Variants in GRID2 observed in about 807,000 individuals in gnomAD.
The protein encoded by GRID2 is glutamate receptor ionotropic, delta-2.
In GRID2, 33 loss-of-function variants were observed where a neutral mutation model predicts 114.8. The ratio of observed to expected loss-of-function variants is 0.29; its 90% confidence interval spans 0.22 to 0.38. The LOEUF is 0.38. GRID2 is among the 10% of genes least tolerant of loss of function. The pLI, the probability that GRID2 is intolerant of heterozygous loss-of-function variation, is 1.00. For missense variants in GRID2, 1,184 were observed against 1,257.7 expected, an observed-to-expected ratio of 0.94 and a Z score of 0.89; for synonymous variants, 505 against 449.9, an observed-to-expected ratio of 1.12 and a Z score of -1.55.
chr4:93,310,426 G>A (rs142579646), intron 8 of GRID2, among the ~76,000 whole-genome samples: 1 of 152,146 alleles, frequency 6.6e-6, no homozygotes, highest in African/African-American at 2.4e-5. Flanking sequence ...AGCTACTTGG[G>A]AGGCTGAGGC....
intron 1 of GRID2, among the ~76,000 whole-genome samples, chr4:92,330,473 T>C (rs1486798259): frequency 6.6e-6 from 1 of 152,110 alleles, no homozygotes; most frequent in Non-Finnish European, 1.5e-5. Context: ...TACATGTTAA[T>C]TGGATCTATC....
chr4:93,524,548 T>C (rs1730641683), intron 13 of GRID2, among the ~76,000 whole-genome samples: 1 of 151,892 alleles, frequency 6.6e-6, no homozygotes, highest in Non-Finnish European at 1.5e-5. Flanking sequence ...TTTTTAACAA[T>C]CCTCATGGAT....
intron 1 of GRID2, among the ~76,000 whole-genome samples, chr4:92,397,069 G>A (rs1730526833): frequency 6.6e-6 from 1 of 151,668 alleles, no homozygotes; most frequent in Non-Finnish European, 1.5e-5. Flanking sequence ...ATTCTAAAAT[G>A]CCAGCATTAG....
chr4:92,723,203 G>C (rs1282332416), intron 2 of GRID2, among the ~76,000 whole-genome samples: 2 of 152,040 alleles, frequency 1.3e-5, no homozygotes, highest in Non-Finnish European at 2.9e-5. Flanking sequence ...CATGGCCTTT[G>C]AACAATCAGA....
intron 11 of GRID2, among the ~76,000 whole-genome samples, chr4:93,476,288 A>C (rs1362362815): frequency 1.3e-5 from 2 of 152,176 alleles, no homozygotes; most frequent in African/African-American, 4.8e-5. Flanking sequence ...TAAAAAATAC[A>C]TGAAATGTTA....
chr4:93,748,628 GT>G (rs1732051200), intron 14 of GRID2, among the ~76,000 whole-genome samples: 1 of 152,162 alleles, frequency 6.6e-6, no homozygotes, highest in African/African-American at 2.4e-5. Context: ...AAAGGCATGT[GT>G]GTAACATATC....
chr4:93,438,185 G>A (rs1274713782), intron 10 of GRID2, among the ~76,000 whole-genome samples: 5 of 151,976 alleles, frequency 3.3e-5, no homozygotes, highest in Non-Finnish European at 5.9e-5. Flanking sequence ...ACTTTTCCTC[G>A]GCCTTCAAAG....
intron 2 of GRID2, among the ~76,000 whole-genome samples, chr4:92,672,962 T>TC (rs1490723020): frequency 6.6e-6 from 1 of 152,136 alleles, no homozygotes; most frequent in Non-Finnish European, 1.5e-5. Flanking sequence ...CCACACTTTA[T>TC]CCCCCAATTC....
rs1252626917 is a variant in GRID2, at chr4:93,590,858, T to G, written c.2194-35411T>G. Among the ~76,000 whole-genome samples the G allele has an allele frequency of 1.1e-4, 17 of 149,802 alleles. 1 individual carries two copies. Among genetic ancestry groups the G allele is most frequent in the African/African-American group, 4.2e-4 (17 of 40,762 alleles). On this transcript the variant is annotated intron_variant, in intron 13 of 15. Transcript: ENST00000282020. ...CACTCATGATTTGGCTCTCTGTTTG[T>G]CTGTTGTTGGTGTATAGGAATGCTT...
intron 11 of GRID2, among the ~76,000 whole-genome samples, chr4:93,483,679 G>A (rs372088004): frequency 1.6e-4 from 25 of 151,982 alleles, no homozygotes; most frequent in African/African-American, 6.0e-4. Context: ...AATGTATACA[G>A]TAGCAAGGTT....
chr4:93,725,533 G>A (rs1228755845), intron 14 of GRID2, among the ~76,000 whole-genome samples: 3 of 151,766 alleles, frequency 2.0e-5, no homozygotes, highest in African/African-American at 7.3e-5. Context: ...GGTATTTCTA[G>A]TTCTAGATCC....
chr4:93,689,009 G>C (rs1726314984), intron 14 of GRID2, among the ~76,000 whole-genome samples: 1 of 152,002 alleles, frequency 6.6e-6, no homozygotes, highest in Non-Finnish European at 1.5e-5. Flanking sequence ...TTAAGTGAAA[G>C]TGAGGTCCAT....
At chr4:92,656,328 G>A (rs192208544) in intron 2 of GRID2, among the ~76,000 whole-genome samples, 2 of 151,688 alleles carry the variant, frequency 1.3e-5, no homozygotes, top group African/African-American at 4.8e-5. Flanking sequence ...TTACCAGATA[G>A]TGTTTGAAAT....
chr4:92,657,332 CTT>C (rs2149266414), intron 2 of GRID2, among the ~76,000 whole-genome samples: 2 of 151,716 alleles, frequency 1.3e-5, no homozygotes, highest in African/African-American at 4.8e-5. Context: ...AGCCTCTACA[CTT>C]ATATTTATTC....
intron 1 of GRID2, among the ~76,000 whole-genome samples, chr4:92,334,280 T>C (rs749101013): frequency 6.6e-6 from 1 of 152,220 alleles, no homozygotes; most frequent in Non-Finnish European, 1.5e-5. Context: ...GTTACAGCTC[T>C]TGTTTTCTTC....
intron 2 of GRID2, among the ~76,000 whole-genome samples, chr4:92,958,475 T>A (rs1383025067): frequency 6.6e-6 from 1 of 152,128 alleles, no homozygotes; most frequent in African/African-American, 2.4e-5. Flanking sequence ...CCATATTAAT[T>A]GATTCTGGAA....
chr4:92,379,248 T>G (rs532197334), intron 1 of GRID2, among the ~76,000 whole-genome samples: 3 of 152,054 alleles, frequency 2.0e-5, no homozygotes, highest in South Asian at 4.1e-4. Flanking sequence ...TAATTTAGAG[T>G]GTTCTCCATT....
chr4:92,469,850 G>C (rs1721947533), intron 1 of GRID2, among the ~76,000 whole-genome samples: 1 of 151,626 alleles, frequency 6.6e-6, no homozygotes, highest in Non-Finnish European at 1.5e-5. Context: ...AAAAAGCTGA[G>C]GAAGTTTAGT....
intron 2 of GRID2, among the ~76,000 whole-genome samples, chr4:92,832,562 T>C (rs1038026775): frequency 1.3e-5 from 2 of 151,908 alleles, no homozygotes; most frequent in African/African-American, 4.8e-5. Context: ...CCTGACTAAT[T>C]TGTGTAATTT....
Sources: allele counts gnomAD v4.1 joint callset (sites outside exome capture counted in the v4.1 genomes callset), GRCh38; gene constraint gnomAD v4.1.1; transcripts MANE v1.5; gene names NCBI Gene and HGNC (gene_info 2026-07-23, HGNC 2026-07-21).